Variants in ABCC12 observed in about 807,000 individuals in gnomAD.
The protein encoded by ABCC12 is ATP-binding cassette sub-family C member 12.
ABCC12 carries 142 observed loss-of-function variants against 151.1 expected under a neutral mutation model. The ratio of observed to expected loss-of-function variants is 0.94; its 90% CI spans 0.82 to 1.08. The LOEUF (loss-of-function observed/expected upper bound fraction) is 1.08. Among genes scored for constraint, ABCC12 ranks in the 50% least tolerant of loss-of-function variants. The pLI is 0.00. For synonymous variants in ABCC12, 645 were observed against 646.4 expected (o/e 1.00, Z 0.03); for missense variants, 1,638 against 1,691.1 (o/e 0.97, Z 0.55).
intron 8 of ABCC12, among the ~76,000 whole-genome samples, chr16:48,137,018 C>T (rs1253062570): frequency 6.6e-6 from 1 of 152,162 alleles, no homozygotes; most frequent in Non-Finnish European, 1.5e-5. Context: ...CCACTATTTT[C>T]CAACAGGGGA....
chr16:48,128,160 C>G (rs13331266), intron 11 of ABCC12, among the ~76,000 whole-genome samples: 7,654 of 152,190 alleles, frequency 0.05, 635 homozygotes, highest in African/African-American at 0.18. Flanking sequence ...ATTTATGAAA[C>G]CTAGTCAGTT....
chr16:48,124,600 A>C (rs1403426251), intron 11 of ABCC12, among the ~76,000 whole-genome samples: 1 of 152,264 alleles, frequency 6.6e-6, no homozygotes, highest in East Asian at 1.9e-4. Flanking sequence ...GGCCTTGAAC[A>C]GGAAGGCTAT....
chr16:48,155,377 A>T (rs1478827457), intron 1 of ABCC12, among the ~76,000 whole-genome samples: 2 of 102,788 alleles, frequency 1.9e-5, no homozygotes, highest in African/African-American at 1.2e-4. Flanking sequence ...TTTAAAAGTT[A>T]AAAAAAAAAA....
At chr16:48,098,090 G>GACACACACACAC (rs66949388) in intron 23 of ABCC12, among the ~76,000 whole-genome samples, 28 of 121,972 alleles carry the variant, frequency 2.3e-4, no homozygotes, top group African/African-American at 6.8e-4. Flanking sequence ...TGCCCCACCT[G>GACACACACACAC]ACACACACAC....
At chr16:48,147,182 CT>C (rs1382966918) in intron 2 of ABCC12, among the ~76,000 whole-genome samples, 1 of 152,164 alleles carries the variant, frequency 6.6e-6, no homozygotes, top group African/African-American at 2.4e-5. Flanking sequence ...GGAGAGGACA[CT>C]TTTTGCAATG....
chr16:48,117,902 C>T (rs886321273), intron 13 of ABCC12, among the ~76,000 whole-genome samples: 8 of 152,292 alleles, frequency 5.3e-5, no homozygotes, highest in East Asian at 1.9e-4. Context: ...TGCAACAACT[C>T]GGGATACTGA....
chr16:48,135,395 T>C (rs1280850557), intron 8 of ABCC12, among the ~76,000 whole-genome samples: 1 of 152,148 alleles, frequency 6.6e-6, no homozygotes, highest in African/African-American at 2.4e-5. Context: ...TATTTATTTA[T>C]ATTTGAGACA....
intron 29 of ABCC12, 82 bp from the exon 30 acceptor site, chr16:48,084,155 G>A (rs1962482608): frequency 2.2e-6 from 3 of 1,347,990 alleles, no homozygotes; most frequent in East Asian, 2.5e-5. Context: ...TTAAAAAAAA[G>A]AAGAAGAAGA....
chr16:48,092,218 G>A (rs1295047810), intron 24 of ABCC12, among the ~76,000 whole-genome samples: 1 of 152,266 alleles, frequency 6.6e-6, no homozygotes, highest in Non-Finnish European at 1.5e-5. Context: ...TGTCACAGCA[G>A]CCTTCACAAA....
intron 9 of ABCC12, among the ~76,000 whole-genome samples, chr16:48,132,997 C>A (rs2150659433): frequency 6.6e-6 from 1 of 152,240 alleles, no homozygotes; most frequent in South Asian, 2.1e-4. Context: ...ACCCCAACAC[C>A]ACTACTTCTC....
Position 48,085,636 on chromosome 16 carries a change from C to T in ABCC12, c.3785G>A (p.Arg1262His), listed in dbSNP as rs760618518. 3.0e-5 allele frequency: 49 copies of T among 1,614,148 alleles called. No homozygotes were observed. The highest frequency in any genetic ancestry group is 6.7e-5 in the East Asian group (3 of 44,880). ...AGCTCGGGCCACACAAAGCAGCTGA[C>T]GTTCCCCTACTGAGAAGTTTTCTCC... ...ENGENFSVGE[R>H]QLLCVARALL... Residue 1262 changes from arginine (R) to histidine (H), a missense_variant, in exon 29 of 31, where the codon CGT becomes CAT. By Grantham distance (29) the Arg-to-His change is conservative. Coordinates refer to ENST00000311303, the MANE Select transcript of ABCC12 (RefSeq NM_001393797.1).
At position 48,115,585 on chromosome 16, in the gene ABCC12, G is replaced by GC. The variant is rs747169251; in HGVS notation, c.1818dup (p.Gln607AlafsTer6). The GC allele has an allele frequency of 6.2e-7, 1 of 1,614,008 alleles. No individual in the cohort carries two copies. The highest frequency in any genetic ancestry group is 8.5e-7 in the Non-Finnish European group (1 of 1,179,970). ...CGGGCCAGGCTAATCCTCTGCCTCT[G>GC]CCCCCCAGAGAGGTTGAGGCCCCGC... is the stretch of plus-strand genomic sequence containing the variant. On this transcript the variant is annotated frameshift_variant, in exon 15 of 31. Transcript: ENST00000311303. LOFTEE classifies it high-confidence loss of function.
At chr16:48,151,284 C>G (rs1013925496) in intron 2 of ABCC12, among the ~76,000 whole-genome samples, 22 of 152,234 alleles carry the variant, frequency 1.4e-4, no homozygotes, top group African/African-American at 5.1e-4. Flanking sequence ...AAACATCAGA[C>G]GAATCCCAAT....
intron 23 of ABCC12, 59 bp from the exon 24 acceptor site, chr16:48,096,961 G>C: frequency 6.2e-7 from 1 of 1,610,506 alleles, no homozygotes; most frequent in East Asian, 2.2e-5. Flanking sequence ...GAAAAAGCAG[G>C]AGATCAGGTT....
intron 2 of ABCC12, among the ~76,000 whole-genome samples, chr16:48,149,465 A>G (rs1421440714): frequency 2.0e-5 from 3 of 152,228 alleles, no homozygotes; most frequent in Admixed American, 2.0e-4. Flanking sequence ...TGACAAGTTT[A>G]TTTTAAATAT....
intron 20 of ABCC12, among the ~76,000 whole-genome samples, chr16:48,106,322 G>T (rs1158562229): frequency 6.6e-6 from 1 of 152,146 alleles, no homozygotes; most frequent in Non-Finnish European, 1.5e-5. Flanking sequence ...CTGCATGTCT[G>T]GGAGGGCAGG....
chr16:48,084,918 T>TA (rs1962518644), intron 29 of ABCC12, among the ~76,000 whole-genome samples: 1 of 152,062 alleles, frequency 6.6e-6, no homozygotes, highest in Admixed American at 6.6e-5. Flanking sequence ...CTGGCCAAGT[T>TA]ACTTAACTTC....
chr16:48,124,320 C>G, intron 11 of ABCC12, 36 bp from the exon 12 acceptor site: 1 of 1,604,538 alleles, frequency 6.2e-7, no homozygotes, highest in East Asian at 2.2e-5. Context: ...CAGTCACTCT[C>G]TCCCACTTCT....
intron 1 of ABCC12, among the ~76,000 whole-genome samples, chr16:48,155,287 C>T (rs1965169565): frequency 6.6e-6 from 1 of 151,510 alleles, no homozygotes; most frequent in South Asian, 2.1e-4. Context: ...CAGTTACAGA[C>T]ACATTCCGAC....
Sources: gnomAD v4.1 joint callset for allele counts (sites outside exome capture counted in the v4.1 genomes callset) on GRCh38, gnomAD v4.1.1 for gene constraint, MANE v1.5 for transcripts, NCBI Gene and HGNC (gene_info 2026-07-23, HGNC 2026-07-21) for gene names.